The following LOC128462377 variants were observed in gnomAD, a reference collection of about 807,000 sequenced individuals.
the LOC128462377 span, among the ~76,000 whole-genome samples, chr16:89,363,183 C>T: frequency 1.8e-4 from 28 of 152,218 alleles, no homozygotes; most frequent in African/African-American, 6.3e-4. Context: ...AAAAAATATA[C>T]GATGTTTCCA....
the LOC128462377 span, among the ~76,000 whole-genome samples, chr16:89,375,415 G>A: frequency 5.3e-5 from 8 of 152,240 alleles, no homozygotes; most frequent in Admixed American, 5.2e-4. Flanking sequence ...GGTCATGCCT[G>A]TGACAAGCCG....
chr16:89,396,897 G>C, the LOC128462377 span, among the ~76,000 whole-genome samples: 6 of 152,154 alleles, frequency 3.9e-5, no homozygotes, highest in Non-Finnish European at 7.3e-5. Flanking sequence ...ATGTTGGTCA[G>C]GCTGGTCTCA....
chr16:89,324,355 A>G, the LOC128462377 span: 26 of 1,052,680 alleles, frequency 2.5e-5, no homozygotes, highest in Non-Finnish European at 3.4e-5. Context: ...CAGAAGAGGG[A>G]AAAAGCCAGG....
chr16:89,341,984 T>TCCA, the LOC128462377 span, among the ~76,000 whole-genome samples: 3 of 145,228 alleles, frequency 2.1e-5, no homozygotes, highest in African/African-American at 7.9e-5. Flanking sequence ...GTGCTGCACC[T>TCCA]CCACCCACAG....
At chr16:89,406,582 C>T in the LOC128462377 span, among the ~76,000 whole-genome samples, 1 of 152,190 alleles carries the variant, frequency 6.6e-6, no homozygotes, top group Non-Finnish European at 1.5e-5. Flanking sequence ...TTCCCCAGTG[C>T]TTATGGTCTG....
At chr16:89,381,048 C>T in the LOC128462377 span, among the ~76,000 whole-genome samples, 2 of 152,190 alleles carry the variant, frequency 1.3e-5, no homozygotes, top group South Asian at 4.1e-4. Context: ...GGCGGCTGGG[C>T]GAGGTGGCTC....
chr16:89,391,345 G>A, the LOC128462377 span, among the ~76,000 whole-genome samples: 2 of 152,088 alleles, frequency 1.3e-5, no homozygotes, highest in African/African-American at 4.8e-5. Flanking sequence ...GGGTGCTGGA[G>A]TGCTGGCAGT....
chr16:89,340,512 C>T, the LOC128462377 span, among the ~76,000 whole-genome samples: 7 of 152,158 alleles, frequency 4.6e-5, no homozygotes, highest in Admixed American at 3.3e-4. Context: ...TGACTTCAGG[C>T]GATCCACCTG....
chr16:89,322,447 C>T, the LOC128462377 span, among the ~76,000 whole-genome samples: 1 of 152,244 alleles, frequency 6.6e-6, no homozygotes, highest in South Asian at 2.1e-4. Context: ...GTGCCCAAGG[C>T]CCCTGAGAAG....
the LOC128462377 span, among the ~76,000 whole-genome samples, chr16:89,359,749 A>G: frequency 6.6e-6 from 1 of 152,228 alleles, no homozygotes; most frequent in African/African-American, 2.4e-5. Flanking sequence ...CTCAACAGCC[A>G]GCAGAAGATG....
the LOC128462377 span, among the ~76,000 whole-genome samples, chr16:89,341,109 T>C: frequency 5.6e-4 from 85 of 152,320 alleles, no homozygotes; most frequent in Non-Finnish European, 9.1e-4. Context: ...GTGGACTGTT[T>C]ATATGCAATA....
the LOC128462377 span, among the ~76,000 whole-genome samples, chr16:89,417,264 C>T: frequency 1.3e-5 from 2 of 152,280 alleles, no homozygotes; most frequent in Admixed American, 6.5e-5. Flanking sequence ...GGTTCTTTCA[C>T]GTTTGCTGGG....
chr16:89,407,513 C>T, the LOC128462377 span, among the ~76,000 whole-genome samples: 330 of 152,264 alleles, frequency 2.2e-3, no homozygotes, highest in Admixed American at 4.2e-3. Flanking sequence ...GACAGCCGCA[C>T]ACACCTAAGA....
chr16:89,394,583 G>A, the LOC128462377 span, among the ~76,000 whole-genome samples: 3 of 150,942 alleles, frequency 2.0e-5, no homozygotes, highest in Non-Finnish European at 4.4e-5. Context: ...AGCCAGTATC[G>A]CACCACTGCA....
the LOC128462377 span, among the ~76,000 whole-genome samples, chr16:89,378,466 A>T: frequency 6.6e-6 from 1 of 152,198 alleles, no homozygotes; most frequent in Non-Finnish European, 1.5e-5. Context: ...CATGGCATTG[A>T]AGCCTAACCA....
the LOC128462377 span, among the ~76,000 whole-genome samples, chr16:89,343,084 G>A: frequency 6.6e-6 from 1 of 152,156 alleles, no homozygotes; most frequent in Non-Finnish European, 1.5e-5. Flanking sequence ...GCAGTGGTGC[G>A]ATCTCGGCTC....
the LOC128462377 span, chr16:89,324,718 C>T: frequency 3.8e-5 from 13 of 340,300 alleles, no homozygotes. Context: ...CTTTTGGGTT[C>T]TTGGACCTAC....
the LOC128462377 span, among the ~76,000 whole-genome samples, chr16:89,367,409 C>G: frequency 6.6e-6 from 1 of 152,204 alleles, no homozygotes; most frequent in Non-Finnish European, 1.5e-5. Context: ...TCAACGCAAC[C>G]TTAGCCGGCA....
chr16:89,349,134 TAAAAAAAAAAAAA>T, the LOC128462377 span, among the ~76,000 whole-genome samples: 35 of 16,586 alleles, frequency 2.1e-3, 2 homozygotes, highest in South Asian at 0.063. Context: ...TCTCAAAAAG[TAAAAAAAAAAAAA>T]AAAAAAAAAA....
Sources: gnomAD v4.1 joint callset for allele counts (sites outside exome capture counted in the v4.1 genomes callset) on GRCh38, gnomAD v4.1.1 for gene constraint, MANE v1.5 for transcripts.